Variants in INTS11 observed in about 807,000 individuals in gnomAD.
INTS11 encodes CPSF3-like protein.
In INTS11, 77 loss-of-function variants were observed where a neutral mutation model predicts 78.6. The observed-to-expected ratio is 0.98, with a 90% CI of 0.81 to 1.18. The LOEUF (loss-of-function observed/expected upper bound fraction) is 1.18, where lower values mean the gene tolerates loss of function less well. INTS11 is among the 50% of genes most tolerant of loss of function. The pLI is 0.00. For synonymous variants in INTS11, 441 were observed against 326.9 expected, an observed-to-expected ratio of 1.35 and a Z score of -3.77; for missense variants, 875 against 825.9, an observed-to-expected ratio of 1.06 and a Z score of -0.73.
chr1:1,321,079 C>T lies in INTS11; in HGVS notation c.43G>A (p.Val15Met). ...GAGACCAGGATGCAGCTTCGGCCCA[C>T]GTCCTGGCCGGCCCCTACTCGAGGG... ...RVTPLGAGQDVGRSCILVSIA... is the reference protein window; with the variant it reads ...RVTPLGAGQDMGRSCILVSIA... Residue 15 changes from valine (V) to methionine (M), a missense_variant, in exon 2 of 17, where the codon GTG (valine) becomes ATG (methionine). Val to Met is a conservative substitution (Grantham distance 21). Transcript: ENST00000435064. 5 of 1,611,318 alleles carry T rather than the reference C, an allele frequency of 3.1e-6. No individual in the cohort carries two copies. The highest frequency in any genetic ancestry group is 1.1e-5 in the South Asian group (1 of 90,994).
chr1:1,312,213 G>GGGGGGGGCCGGCCCCCCCC lies in INTS11; in HGVS notation c.1607+12_1607+13insGGGGGGGGCCGGCCCCCCC. Reference sequence around the variant, plus strand: ...CCCAAGGGAGTGGGGGGGGGGCGGGGCCGGGCGCCCACCTCTTGAGGTGGC... The same window carrying GGGGGGGGCCGGCCCCCCCC: ...CCCAAGGGAGTGGGGGGGGGGCGGGGGGGGGGGCCGGCCCCCCCCCCGGGCGCCCACCTCTTGAGGTGGC... On this transcript the variant is annotated intron_variant, in intron 15 of 16. Transcript: ENST00000435064. 1 of 934,630 alleles carries GGGGGGGGCCGGCCCCCCCC rather than the reference G, an allele frequency of 1.1e-6. No homozygotes were observed. The highest frequency in any genetic ancestry group is 1.6e-6 in the Non-Finnish European group (1 of 636,678). 57.9% of individuals were successfully genotyped at this position (934,630 alleles called of 1,614,324 possible).
chr1:1,318,647 CAAAA>C (rs372595666), intron 4 of INTS11: 12 of 320,796 alleles, frequency 3.7e-5, no homozygotes, highest in East Asian at 1.4e-4. Flanking sequence ...GAGACACTGT[CAAAA>C]AAAAAAAAAA....
At chr1:1,312,202 G>GGT (rs1557628593) in intron 15 of INTS11, 24 bp downstream of exon 15, 4 of 1,207,902 alleles carry the variant, frequency 3.3e-6, no homozygotes, top group East Asian at 5.2e-5. Context: ...AGGGAGTGGG[G>GGT]GGGGGGCGGG....
intron 3 of INTS11, 33 bp downstream of exon 3, chr1:1,320,423 A>C: frequency 6.2e-7 from 1 of 1,602,132 alleles, no homozygotes; most frequent in Non-Finnish European, 8.6e-7. Flanking sequence ...AGGCACAGAC[A>C]TGGGACCCTC....
At chr1:1,318,778 T>C (rs565456702) in intron 4 of INTS11, 6 of 547,744 alleles carry the variant, frequency 1.1e-5, no homozygotes, top group African/African-American at 7.6e-5. Context: ...ATAAAAGCAA[T>C]ACCCAGAGAT....
chr1:1,313,992 C>T, intron 8 of INTS11, 71 bp from the exon 9 acceptor site: 1 of 1,470,756 alleles, frequency 6.8e-7, no homozygotes, highest in Non-Finnish European at 9.4e-7. Flanking sequence ...TCGGCCGGGT[C>T]ACCCCCAACA....
In INTS11 at chr1:1,313,362, C is replaced by T. The variant is rs1642362114; in HGVS notation, c.1041+147G>A. On this transcript the variant is annotated intron_variant, in intron 10 of 16. Transcript: ENST00000435064. ...GTCACAGAGACTGAGCAGCTCCAGG[C>T]GGACATCGCCCCCGTTCCCCAGCAG... 14 of 960,882 alleles carry T rather than the reference C, an allele frequency of 1.5e-5. 1 individual carries two copies. The highest frequency in any genetic ancestry group is 1.4e-4 in the Admixed American group (7 of 48,712). 59.5% of individuals were successfully genotyped at this position (960,882 alleles called of 1,614,324 possible).
At chr1:1,324,484 C>A in intron 1 of INTS11, 97 bp downstream of exon 1, 3 of 1,330,560 alleles carry the variant, frequency 2.3e-6, no homozygotes, top group Non-Finnish European at 2.1e-6. Flanking sequence ...GCGGCGCGCA[C>A]CTGGCTCCAC....
At chr1:1,323,690 C>T (rs1302417135) in intron 1 of INTS11, among the ~76,000 whole-genome samples, 2 of 151,176 alleles carry the variant, frequency 1.3e-5, no homozygotes, top group Non-Finnish European at 2.9e-5. Context: ...TGATTGCAGG[C>T]GTGAGCCACA....
In INTS11 at chr1:1,312,225, C is replaced by A; in HGVS notation, c.1607+1G>T. ...GGGGGGGGGCGGGGCCGGGCGCCCA[C>A]CTCTTGAGGTGGCTGTAGACGCGCA... On this transcript the variant is annotated splice_donor_variant, in intron 15 of 16. Transcript: ENST00000435064. LOFTEE classifies it high-confidence loss of function. 1 of 1,524,886 alleles carries A rather than the reference C, an allele frequency of 6.6e-7. No individual in the cohort carries two copies. The highest frequency in any genetic ancestry group is 1.2e-5 in the South Asian group (1 of 83,764). 94.5% of individuals were successfully genotyped at this position (1,524,886 alleles called of 1,614,324 possible).
At chr1:1,322,897 C>A in intron 1 of INTS11, 1 of 1,259,286 alleles carries the variant, frequency 7.9e-7, no homozygotes, top group Non-Finnish European at 1.0e-6. Context: ...GATACCTTGG[C>A]TGAGGTGACC....
Position 1,315,410 on chromosome 1 carries a change from T to C in INTS11, c.557A>G (p.His186Arg). The C allele has an allele frequency of 3.7e-6, 6 of 1,613,316 alleles. No individual in the cohort carries two copies. Among genetic ancestry groups the C allele is most frequent in the Non-Finnish European group, 5.1e-6 (6 of 1,179,932 alleles). Residue 186 changes from histidine (H) to arginine (R), a missense_variant, in exon 6 of 17, where the codon CAC (histidine) becomes CGC (arginine). By Grantham distance (29) the His-to-Arg change is conservative. Coordinates refer to ENST00000435064, the MANE Select transcript of INTS11 (RefSeq NM_017871.6). ...TGDYNMTPDR[H>R]LGAAWIDKCR... ...GACACCTCAGCCTACTTACCCTAAG[T>C]GTCGGTCTGGGGTCATGTTATAATC...
chr1:1,312,204 G>A (rs752778156), intron 15 of INTS11, 22 bp downstream of exon 15: 1 of 1,186,130 alleles, frequency 8.4e-7, no homozygotes, highest in Middle Eastern at 2.8e-4. Flanking sequence ...GGAGTGGGGG[G>A]GGGGCGGGGC....
In INTS11 at chr1:1,324,633, G is replaced by T. The variant is rs748230622; in HGVS notation, c.-25C>A. The T allele has an allele frequency of 1.3e-6, 2 of 1,597,246 alleles. No individual in the cohort carries two copies. The highest frequency in any genetic ancestry group is 1.7e-6 in the Non-Finnish European group (2 of 1,173,358). ...TCGTCTCCGCCGCGCTCCCGGACCC[G>T]CGAGGCCCGCCTGCGGTGATGCACT... On this transcript the variant is annotated 5_prime_UTR_variant, in exon 1 of 17. Transcript: ENST00000435064.
rs765619076 is a variant in INTS11 at position 1,312,006 on chromosome 1, GT to G, written c.1737+11del. ...CTGTGTTGACCGCGGTGGGGTGGGG[GT>G]CACCCCTTACCTGGTAGGTCCAGGA... On this transcript the variant is annotated intron_variant, in intron 16 of 16. Transcript: ENST00000435064. 6 of 1,584,028 alleles carry G rather than the reference GT, an allele frequency of 3.8e-6. No homozygotes were observed. In the Admixed American group the frequency reaches 1.1e-4, roughly 29 times the overall value.
Position 1,314,206 on chromosome 1 carries a change from G to T in INTS11, c.767+95C>A. 1 of 1,210,504 alleles carries T rather than the reference G, an allele frequency of 8.3e-7. No individual in the cohort carries two copies. The highest frequency in any genetic ancestry group is 2.5e-5 in the East Asian group (1 of 39,262). The allele number at this position is 1,210,504 out of a possible 1,614,324, so 75.0% of individuals were successfully genotyped here. On this transcript the variant is annotated intron_variant, in intron 8 of 16. Transcript: ENST00000435064. This position sits in a 1 kb window ranked among gnomAD's most constrained non-coding sequence, Gnocchi z 4.2. ...CCAGGACAGCAGCAAGCAGGGCCAAGATGCCACCGCTACGCTGGACAGGGC... is the reference window on the plus strand; with the variant it reads ...CCAGGACAGCAGCAAGCAGGGCCAATATGCCACCGCTACGCTGGACAGGGC...
In INTS11 at chr1:1,321,033, A is replaced by G; in HGVS notation, c.89T>C (p.Met30Thr). 1 of 1,613,144 alleles carries G rather than the reference A, an allele frequency of 6.2e-7. No individual in the cohort carries two copies. Among genetic ancestry groups the G allele is most frequent in the Non-Finnish European group, 8.5e-7 (1 of 1,179,918 alleles). The change falls in exon 2 of 17, where the codon ATG becomes ACG. Residue 30 changes from methionine (M) to threonine (T), a missense_variant. By Grantham distance (81) the Met-to-Thr change is moderately conservative (BLOSUM62 -1). Transcript: ENST00000435064. ...ILVSIAGKNV[M>T]LDCGMHMGFN... ...GCCCATGTGCATTCCACAGTCCAGC[A>G]TGACATTCTTGCCCGCAATGGAGAC...
chr1:1,314,683 A>T lies in INTS11; in HGVS notation c.702+141T>A. 9.3e-7 allele frequency: 1 copy of T among 1,075,212 alleles called. No homozygotes were observed. Among genetic ancestry groups the T allele is most frequent in the Non-Finnish European group, 1.4e-6 (1 of 739,628 alleles). 66.6% of individuals were successfully genotyped at this position (1,075,212 alleles called of 1,614,324 possible). ...CTCTGAGTTTTCCTCCTCAATGTTG[A>T]GCAAATCTTCTTCCCTCCCTGCCTG... On this transcript the variant is annotated intron_variant, in intron 7 of 16. Transcript: ENST00000435064. This position sits in a 1 kb window ranked among gnomAD's most constrained non-coding sequence, Gnocchi z 4.2.
chr1:1,312,999 T>C, intron 11 of INTS11, 36 bp downstream of exon 11: 3 of 1,611,790 alleles, frequency 1.9e-6, no homozygotes, highest in Non-Finnish European at 8.5e-7. Flanking sequence ...GAGGTGCCCC[T>C]CGGCCCTGCC....
Sources: gnomAD v4.1 joint callset for allele counts (sites outside exome capture counted in the v4.1 genomes callset) on GRCh38, gnomAD v4.1.1 for gene constraint, Gnocchi (gnomAD v3.1) non-coding constraint, MANE v1.5 for transcripts, NCBI Gene and HGNC (gene_info 2026-07-23, HGNC 2026-07-21) for gene names.